GRM8: variants seen among roughly 807,000 people sequenced by gnomAD.
GRM8 encodes the protein glutamate metabotropic receptor 8.
Under a neutral mutation model 87.2 loss-of-function variants are expected in GRM8, and 47 were observed. The ratio of observed to expected loss-of-function variants is 0.54; its 90% CI spans 0.43 to 0.69. The LOEUF (loss-of-function observed/expected upper bound fraction) is 0.69. GRM8 is among the 30% of genes least tolerant of loss of function. The pLI is 0.00. For synonymous variants in GRM8, 396 were observed against 404.5 expected, an observed-to-expected ratio of 0.98 and a Z score of 0.25; for missense variants, 1,019 against 1,139.2, an observed-to-expected ratio of 0.89 and a Z score of 1.52.
chr7:127,118,130 A>T (rs923395019), intron 2 of GRM8: 1 of 152,148 alleles, frequency 6.6e-6, no homozygotes, highest in Non-Finnish European at 1.5e-5. Context: ...GGAAATTCTC[A>T]TTTACTTTCT....
At chr7:126,765,013 C>A (rs62470207) in intron 7 of GRM8, among the ~76,000 whole-genome samples, 56,072 of 151,828 alleles carry the variant, frequency 0.37, 11,741 homozygotes, top group Non-Finnish European at 0.47. Context: ...CTGTGACAAC[C>A]AAGTTTGTAC....
intron 3 of GRM8, among the ~76,000 whole-genome samples, chr7:126,944,871 T>C (rs1233889692): frequency 3.3e-5 from 5 of 152,346 alleles, no homozygotes; most frequent in African/African-American, 7.2e-5. Flanking sequence ...AGTAAGTAGA[T>C]TAAAAGATGC....
intron 9 of GRM8, among the ~76,000 whole-genome samples, chr7:126,468,611 T>C (rs1294396453): frequency 1.3e-5 from 2 of 152,126 alleles, no homozygotes; most frequent in Admixed American, 6.6e-5. Context: ...TTCATTGCCA[T>C]TAAAAGCATT....
At chr7:127,223,443 GCACACACA>G (rs61674303) in intron 2 of GRM8, among the ~76,000 whole-genome samples, 3,604 of 144,064 alleles carry the variant, frequency 0.025, 65 homozygotes, top group Middle Eastern at 0.049. Flanking sequence ...ACACACACAC[GCACACACA>G]CACACACACA....
chr7:126,807,849 G>T (rs1411117851), intron 6 of GRM8, among the ~76,000 whole-genome samples: 1 of 152,062 alleles, frequency 6.6e-6, no homozygotes, highest in Non-Finnish European at 1.5e-5. Context: ...GAATAATTTA[G>T]ACTATTTTGA....
intron 2 of GRM8, among the ~76,000 whole-genome samples, chr7:127,242,075 A>C (rs1798336577): frequency 6.6e-6 from 1 of 152,208 alleles, no homozygotes; most frequent in African/African-American, 2.4e-5. Flanking sequence ...CTAAATTTGA[A>C]CTTTTAATGC....
At chr7:126,492,532 C>T (rs552348700) in intron 9 of GRM8, among the ~76,000 whole-genome samples, 8 of 152,146 alleles carry the variant, frequency 5.3e-5, no homozygotes, top group Non-Finnish European at 1.0e-4. Flanking sequence ...TTAAAGCTGG[C>T]CTCCATCTCA....
At chr7:126,797,333 A>G (rs1822066671) in intron 6 of GRM8, among the ~76,000 whole-genome samples, 4 of 152,156 alleles carry the variant, frequency 2.6e-5, no homozygotes, top group Admixed American at 2.6e-4. Context: ...ATGGCCTAAG[A>G]ACATCATTTG....
At chr7:126,845,314 A>C (rs1796615626) in intron 6 of GRM8, among the ~76,000 whole-genome samples, 1 of 152,214 alleles carries the variant, frequency 6.6e-6, no homozygotes, top group African/African-American at 2.4e-5. Flanking sequence ...AAGGATATTC[A>C]GCAGTTTAAG....
chr7:126,488,401 T>C (rs775054412), intron 9 of GRM8, among the ~76,000 whole-genome samples: 3 of 152,052 alleles, frequency 2.0e-5, no homozygotes, highest in African/African-American at 4.8e-5. Context: ...TGTCTTTGGG[T>C]ATCCTGGATG....
chr7:126,763,530 C>G (rs13225829), intron 7 of GRM8, among the ~76,000 whole-genome samples: 52,620 of 144,742 alleles, frequency 0.36, 11,041 homozygotes, highest in Non-Finnish European at 0.46. Context: ...TATCATCATT[C>G]TATGTTTCTG....
chr7:127,112,771 G>C (rs906386919), intron 2 of GRM8, among the ~76,000 whole-genome samples: 1 of 152,154 alleles, frequency 6.6e-6, no homozygotes, highest in Non-Finnish European at 1.5e-5. Context: ...TCGTAGGGAA[G>C]CTTACAACTG....
chr7:127,153,929 T>C (rs1390571018), intron 2 of GRM8, among the ~76,000 whole-genome samples: 1 of 152,026 alleles, frequency 6.6e-6, no homozygotes, highest in Non-Finnish European at 1.5e-5. Flanking sequence ...TCAAGGTAGG[T>C]CACTGGTACA....
intron 2 of GRM8, chr7:127,228,236 C>T (rs1440760573): frequency 1.3e-5 from 2 of 152,168 alleles, no homozygotes; most frequent in Admixed American, 1.3e-4. Flanking sequence ...GCCTCAGTTC[C>T]TCATCTGAAA....
At chr7:126,850,802 G>A (rs1027418348) in intron 6 of GRM8, among the ~76,000 whole-genome samples, 1 of 152,116 alleles carries the variant, frequency 6.6e-6, no homozygotes, top group African/African-American at 2.4e-5. Flanking sequence ...TGGTCAGAGT[G>A]GCCTTGCCCA....
At chr7:127,249,449 T>C (rs1263193518) in intron 1 of GRM8, among the ~76,000 whole-genome samples, 1 of 152,112 alleles carries the variant, frequency 6.6e-6, no homozygotes, top group African/African-American at 2.4e-5. Context: ...CCATTAATAA[T>C]GGTTAAGGCT....
At position 126,533,190 on chromosome 7, in the gene GRM8, A is replaced by C. The variant is rs1815131660; in HGVS notation, c.2192T>G (p.Leu731Arg). The part of the protein sequence containing the change: ...IIIDYGEQRT[L>R]DPEKARGVLK... The stretch of plus-strand genomic sequence containing the variant: ...CACTCCCCTGGCCTTCTCTGGATCT[A>C]GTGTCCGCTGCTCTCCATAGTCAAT... Residue 731 changes from leucine to arginine, a missense_variant, in exon 9 of 11, where the codon CTA becomes CGA. Leu to Arg is a moderately radical substitution (Grantham distance 102). Transcript: ENST00000339582. The C allele has an allele frequency of 6.2e-7, 1 of 1,612,666 alleles. No homozygotes were observed. Among genetic ancestry groups the C allele is most frequent in the Non-Finnish European group, 8.5e-7 (1 of 1,179,588 alleles).
intron 8 of GRM8, among the ~76,000 whole-genome samples, chr7:126,579,412 A>G (rs1006873343): frequency 3.3e-5 from 5 of 152,230 alleles, no homozygotes; most frequent in Admixed American, 6.5e-5. Context: ...CTTTCTATAA[A>G]CTAAGAATCT....
intron 8 of GRM8, among the ~76,000 whole-genome samples, chr7:126,568,897 T>C (rs529551817): frequency 2.6e-4 from 39 of 152,168 alleles, no homozygotes; most frequent in African/African-American, 7.5e-4. Context: ...TGAAACGTAC[T>C]GAGCAACTAT....
Sources: allele counts gnomAD v4.1 joint callset (sites outside exome capture counted in the v4.1 genomes callset), GRCh38; gene constraint gnomAD v4.1.1; transcripts MANE v1.5; gene names NCBI Gene and HGNC (gene_info 2026-07-23, HGNC 2026-07-21).